Variants in CCDC93 observed in about 807,000 individuals in gnomAD.
CCDC93 encodes the protein CCC complex scaffolding subunit CCDC93, also known as coiled-coil domain-containing protein 93.
CCDC93 carries 61 observed loss-of-function variants against 108.2 expected under a neutral mutation model. That is an observed-to-expected ratio of 0.56 (90% confidence interval 0.46 to 0.70). CCDC93 has a LOEUF of 0.70. Among genes scored for constraint, CCDC93 ranks in the 30% least tolerant of loss-of-function variants. CCDC93 has a pLI of 0.00. For missense variants in CCDC93, 685 were observed against 764.2 expected (o/e 0.90, Z 1.22); for synonymous variants, 276 against 260.4 (o/e 1.06, Z -0.58).
intron 8 of CCDC93, among the ~76,000 whole-genome samples, chr2:117,977,066 G>T: frequency 6.6e-6 from 1 of 151,782 alleles, no homozygotes; most frequent in East Asian, 1.9e-4. Context: ...CTCCCGAGTA[G>T]CTGGGACTAC....
chr2:117,940,885 G>A (rs747975907), intron 19 of CCDC93, among the ~76,000 whole-genome samples: 12 of 152,198 alleles, frequency 7.9e-5, no homozygotes, highest in Non-Finnish European at 1.5e-4. Flanking sequence ...ACGATGTTCC[G>A]TGTGAAGTTG....
At chr2:117,949,299 A>G (rs948309747) in intron 14 of CCDC93, 23 bp downstream of exon 14, 6 of 1,541,208 alleles carry the variant, frequency 3.9e-6, no homozygotes, top group Non-Finnish European at 5.4e-6. Flanking sequence ...AAGCAAAAAT[A>G]AGCACATGCT....
At chr2:118,002,564 T>G (rs1432353459) in intron 3 of CCDC93, among the ~76,000 whole-genome samples, 1 of 152,132 alleles carries the variant, frequency 6.6e-6, no homozygotes, top group Non-Finnish European at 1.5e-5. Flanking sequence ...AAATGTCAGA[T>G]CCAATGTGTT....
At chr2:117,923,159 AC>A (rs1222992476) in intron 23 of CCDC93, among the ~76,000 whole-genome samples, 9 of 152,202 alleles carry the variant, frequency 5.9e-5, no homozygotes, top group African/African-American at 2.2e-4. Flanking sequence ...CCGAATAGGA[AC>A]AGCTCCAGTC....
intron 13 of CCDC93, chr2:117,951,044 G>C: frequency 1.0e-6 from 1 of 971,426 alleles, no homozygotes; most frequent in Non-Finnish European, 1.2e-6. Flanking sequence ...ACAAATACTT[G>C]ATTTAGTATT....
chr2:117,961,462 C>T (rs1298265140), intron 11 of CCDC93, among the ~76,000 whole-genome samples: 1 of 152,180 alleles, frequency 6.6e-6, no homozygotes, highest in Non-Finnish European at 1.5e-5. Context: ...CTATGGGAAG[C>T]TGCTTTGTTT....
rs150569101 is a variant in CCDC93, at chr2:117,964,639, C to T, written c.889-6158G>A. Reference sequence around the variant, plus strand: ...TTTTTAAGAGGGTCTCACTCTGTTGCCCAGGCTGGAATGCAGTGGCATGAT... The same window carrying T: ...TTTTTAAGAGGGTCTCACTCTGTTGTCCAGGCTGGAATGCAGTGGCATGAT... On this transcript the variant is annotated intron_variant, in intron 11 of 23. Transcript: ENST00000376300. Among the ~76,000 whole-genome samples the T allele has an allele frequency of 5.5e-3, 844 of 152,140 alleles. 7 individuals carry two copies. The highest frequency in any genetic ancestry group is 0.019 in the African/African-American group (806 of 41,478).
chr2:117,998,469 GT>G (rs1247645128), intron 4 of CCDC93: 2 of 152,144 alleles, frequency 1.3e-5, no homozygotes, highest in East Asian at 3.9e-4. Flanking sequence ...AAGCAAGATT[GT>G]AGTTATTTTT....
intron 6 of CCDC93, among the ~76,000 whole-genome samples, chr2:117,987,811 T>C (rs1573516224): frequency 6.6e-6 from 1 of 152,234 alleles, no homozygotes; most frequent in Non-Finnish European, 1.5e-5. Flanking sequence ...TTTATCCTTC[T>C]GTCATTAATA....
intron 3 of CCDC93, among the ~76,000 whole-genome samples, chr2:118,003,760 C>T (rs1054662598): frequency 6.6e-6 from 1 of 152,098 alleles, no homozygotes; most frequent in Non-Finnish European, 1.5e-5. Context: ...ACCCACCTCT[C>T]AGAAATTACT....
At chr2:117,993,978 C>T (rs1362461577) in intron 6 of CCDC93, among the ~76,000 whole-genome samples, 1 of 152,180 alleles carries the variant, frequency 6.6e-6, no homozygotes, top group Non-Finnish European at 1.5e-5. Flanking sequence ...GTGATCCACC[C>T]GTCTCAGCCT....
At chr2:118,010,787 A>G (rs539137988) in intron 1 of CCDC93, among the ~76,000 whole-genome samples, 1 of 152,282 alleles carries the variant, frequency 6.6e-6, no homozygotes, top group Admixed American at 6.5e-5. Context: ...AACTACCCCA[A>G]AAACAATCAA....
At chr2:117,994,144 T>C (rs577291428) in intron 6 of CCDC93, among the ~76,000 whole-genome samples, 15 of 152,352 alleles carry the variant, frequency 9.8e-5, no homozygotes, top group African/African-American at 3.1e-4. Flanking sequence ...AATAAAAACA[T>C]GGAAGAAATA....
chr2:118,011,977 T>C (rs1677031383), intron 1 of CCDC93, among the ~76,000 whole-genome samples: 1 of 152,228 alleles, frequency 6.6e-6, no homozygotes, highest in Admixed American at 6.5e-5. Flanking sequence ...ATACATCCAG[T>C]TGTTGAAGCT....
At chr2:117,931,987 C>CA (rs1678350632) in intron 22 of CCDC93, among the ~76,000 whole-genome samples, 1 of 152,152 alleles carries the variant, frequency 6.6e-6, no homozygotes, top group African/African-American at 2.4e-5. Flanking sequence ...AGCACCCTGA[C>CA]AAACAGACAC....
chr2:118,001,138 T>TTCATCC, intron 3 of CCDC93: 1 of 463,496 alleles, frequency 2.2e-6, no homozygotes, highest in Non-Finnish European at 3.8e-6. Flanking sequence ...CAAAACTGCC[T>TTCATCC]TCATCCTTTA....
At chr2:117,949,705 T>C in intron 13 of CCDC93, 2 of 747,236 alleles carry the variant, frequency 2.7e-6, no homozygotes, top group Non-Finnish European at 3.3e-6. Flanking sequence ...ATTCAAAAAT[T>C]AAAAAAAAAA....
chr2:117,955,296 C>T (rs1313082523), intron 12 of CCDC93, among the ~76,000 whole-genome samples: 2 of 151,754 alleles, frequency 1.3e-5, no homozygotes, highest in South Asian at 2.1e-4. Flanking sequence ...TGAGGGCATA[C>T]GTGTCTGTAA....
At position 117,931,118 on chromosome 2, in the gene CCDC93, TCTC is replaced by T. The variant is rs1452219283; in HGVS notation, c.1758_1760del (p.Met586_Arg587delinsIle). The T allele has an allele frequency of 6.2e-7, 1 of 1,613,914 alleles. No individual in the cohort carries two copies. Among genetic ancestry groups the T allele is most frequent in the Non-Finnish European group, 8.5e-7 (1 of 1,179,792 alleles). ...AGTACTGGTCGTTCAACTGGTCTCT[TCTC>T]ATTTTGTTCTCTTGCTTTTTCTTTT... On this transcript the variant is annotated inframe_deletion, in exon 23 of 24. Transcript: ENST00000376300.
Sources: gnomAD v4.1 joint callset for allele counts (sites outside exome capture counted in the v4.1 genomes callset) on GRCh38, gnomAD v4.1.1 for gene constraint, MANE v1.5 for transcripts, NCBI Gene and HGNC (gene_info 2026-07-23, HGNC 2026-07-21) for gene names.